The following TRPV5 variants were observed in gnomAD, a reference collection of about 807,000 sequenced individuals.
TRPV5 encodes calcium transport protein 2.
In TRPV5, 66 loss-of-function variants were observed where a neutral mutation model predicts 74.1. That is an observed-to-expected ratio of 0.89 (90% confidence interval 0.73 to 1.09). The LOEUF (loss-of-function observed/expected upper bound fraction) is 1.09, where lower values mean the gene tolerates loss of function less well. TRPV5 is among the 50% of genes least tolerant of loss of function. The probability of loss-of-function intolerance (pLI) is 0.00; values close to 1 mark genes in which losing one functional copy is unlikely to be tolerated. For missense variants in TRPV5, 936 were observed against 930.4 expected (o/e 1.01, Z -0.08); for synonymous variants, 399 against 360.7 (o/e 1.11, Z -1.20).
chr7:142,915,784 G>A (rs1030736037), intron 8 of TRPV5, among the ~76,000 whole-genome samples: 1 of 152,210 alleles, frequency 6.6e-6, no homozygotes, highest in African/African-American at 2.4e-5. Context: ...ATATGCTAAT[G>A]TCTTGAGCTA....
At chr7:142,920,553 C>G (rs1033136753) in intron 8 of TRPV5, among the ~76,000 whole-genome samples, 2 of 152,068 alleles carry the variant, frequency 1.3e-5, no homozygotes, top group Admixed American at 6.5e-5. Context: ...AAGACTGGGA[C>G]CTAGCACATC....
Position 142,912,578 on chromosome 7 carries a change from G to C in TRPV5, c.1692C>G (p.Ile564Met), listed in dbSNP as rs1470767529. 6.2e-7 allele frequency: 1 copy of C among 1,614,158 alleles called. No homozygotes were observed. Among genetic ancestry groups the C allele is most frequent in the South Asian group, 1.1e-5 (1 of 91,086 alleles). Residue 564 changes from isoleucine (I) to methionine (M), a missense_variant, in exon 13 of 15, where the codon ATC becomes ATG. Coordinates refer to ENST00000265310, the MANE Select transcript of TRPV5 (RefSeq NM_019841.7). ...AGTTGAGCATGAGCAGTGTGGCAAT[G>C]ATGGTGAAGGCGAAGTTGACAATGC... ...MFSIVNFAFT[I>M]IATLLMLNLF...
chr7:142,926,301 G>T (rs926793822), intron 7 of TRPV5, among the ~76,000 whole-genome samples: 2 of 152,196 alleles, frequency 1.3e-5, no homozygotes, highest in Non-Finnish European at 2.9e-5. Context: ...AAGAAGCAAT[G>T]GAGGTTACAG....
rs1380622765 is a variant in TRPV5, at chr7:142,914,624, G to C, written c.1519+16C>G. ...CTAGATCTGCTGATCTAGTAGAGGA[G>C]TGTATGGTGCCTTACCGGAGGCAAA... On this transcript the variant is annotated intron_variant, in intron 12 of 14. Coordinates refer to ENST00000265310, the MANE Select transcript of TRPV5 (RefSeq NM_019841.7). The C allele has an allele frequency of 2.5e-6, 4 of 1,610,498 alleles. No homozygotes were observed. The highest frequency in any genetic ancestry group is 3.4e-6 in the Non-Finnish European group (4 of 1,177,502).
chr7:142,908,284 G>C lies in TRPV5; in HGVS notation c.*230C>G, dbSNP rs564226120. On this transcript the variant is annotated 3_prime_UTR_variant, in exon 15 of 15. Transcript: ENST00000265310. ...TAGTTGCCAACCTCCTTTTTCCTGA[G>C]ATGGGTGACTTGCAAGAGCCCAGAA... 1 of 582,174 alleles carries C rather than the reference G, an allele frequency of 1.7e-6. No individual in the cohort carries two copies. The highest frequency in any genetic ancestry group is 3.0e-6 in the Non-Finnish European group (1 of 330,132). The allele number at this position is 582,174 out of a possible 1,614,324, so 36.1% of individuals were successfully genotyped here.
intron 7 of TRPV5, among the ~76,000 whole-genome samples, chr7:142,927,059 C>T (rs569147079): frequency 6.6e-6 from 1 of 152,318 alleles, no homozygotes; most frequent in Non-Finnish European, 1.5e-5. Context: ...TCCCTCACAT[C>T]ACTCAACCCA....
At chr7:142,925,973 G>T (rs898493907) in intron 7 of TRPV5, among the ~76,000 whole-genome samples, 1 of 152,204 alleles carries the variant, frequency 6.6e-6, no homozygotes, top group Non-Finnish European at 1.5e-5. Flanking sequence ...GGATTTAAAG[G>T]ATGAGTAGTA....
chr7:142,916,314 A>G (rs1795797760), intron 8 of TRPV5, among the ~76,000 whole-genome samples: 1 of 152,214 alleles, frequency 6.6e-6, no homozygotes. Flanking sequence ...GGTATAGTCC[A>G]AGGGTCAAGG....
chr7:142,920,968 C>T (rs1282735789), intron 8 of TRPV5, among the ~76,000 whole-genome samples: 1 of 151,998 alleles, frequency 6.6e-6, no homozygotes. Context: ...TACCGGGCTC[C>T]CTGGTTCTCC....
chr7:142,919,715 G>A (rs1391667649), intron 8 of TRPV5, among the ~76,000 whole-genome samples: 1 of 152,172 alleles, frequency 6.6e-6, no homozygotes, highest in African/African-American at 2.4e-5. Context: ...AATGAGATTT[G>A]CTCTCACTTC....
At chr7:142,923,397 C>A (rs1487743472) in intron 8 of TRPV5, among the ~76,000 whole-genome samples, 1 of 152,076 alleles carries the variant, frequency 6.6e-6, no homozygotes, top group Non-Finnish European at 1.5e-5. Context: ...AGTTTAGGAG[C>A]CCCTGATCTA....
intron 8 of TRPV5, chr7:142,925,257 CA>C: frequency 1.8e-6 from 1 of 556,806 alleles, no homozygotes; most frequent in Non-Finnish European, 3.2e-6. Context: ...TGTAAATTAC[CA>C]AAAAATTTCA....
chr7:142,930,296 G>A (rs1796064745), intron 2 of TRPV5, 53 bp downstream of exon 2: 9 of 1,608,926 alleles, frequency 5.6e-6, no homozygotes, highest in Non-Finnish European at 7.7e-6. Flanking sequence ...GTCTTGGGGA[G>A]GAGGAGTAGG....
intron 7 of TRPV5, among the ~76,000 whole-genome samples, chr7:142,926,616 A>C (rs540301577): frequency 7.9e-5 from 12 of 152,290 alleles, no homozygotes; most frequent in Non-Finnish European, 8.8e-5. Flanking sequence ...GGTCTTCTGA[A>C]CTGCAGCTGA....
intron 8 of TRPV5, among the ~76,000 whole-genome samples, chr7:142,923,409 T>A (rs1447393173): frequency 6.6e-6 from 1 of 152,148 alleles, no homozygotes; most frequent in Non-Finnish European, 1.5e-5. Flanking sequence ...CCTGATCTAA[T>A]CCAAATGGGC....
chr7:142,927,959 A>ACT, intron 7 of TRPV5, 129 bp downstream of exon 7: 1 of 1,124,808 alleles, frequency 8.9e-7, no homozygotes. Context: ...GTCCCAGGAG[A>ACT]CTATTCTCAT....
intron 4 of TRPV5, 35 bp downstream of exon 4, chr7:142,929,393 A>G: frequency 6.2e-7 from 1 of 1,604,372 alleles, no homozygotes. Context: ...CCGCCTCTCC[A>G]GCCAACCATC....
At chr7:142,929,154 G>A (rs182391867) in intron 4 of TRPV5, 34 bp from the exon 5 acceptor site, 41 of 1,603,908 alleles carry the variant, frequency 2.6e-5, no homozygotes, top group African/African-American at 1.7e-4. Flanking sequence ...GCAGGAGAAC[G>A]CAGGATGGCA....
intron 8 of TRPV5, among the ~76,000 whole-genome samples, chr7:142,923,972 T>C (rs1283023368): frequency 6.6e-6 from 1 of 152,052 alleles, no homozygotes; most frequent in African/African-American, 2.4e-5. Context: ...GCCAGGAGCA[T>C]TGGAAAAGTC....
Sources: allele counts gnomAD v4.1 joint callset (sites outside exome capture counted in the v4.1 genomes callset), GRCh38; gene constraint gnomAD v4.1.1; transcripts MANE v1.5; gene names NCBI Gene and HGNC (gene_info 2026-07-23, HGNC 2026-07-21).